The following SPATA22 variants were observed in gnomAD, a reference collection of about 807,000 sequenced individuals.
The protein encoded by SPATA22 is spermatogenesis associated 22.
In SPATA22, 29 loss-of-function variants were observed where a neutral mutation model predicts 47.8. The ratio of observed to expected loss-of-function variants is 0.61; its 90% CI spans 0.45 to 0.83. SPATA22 has a LOEUF of 0.83. Ranked by LOEUF, SPATA22 falls within the 40% of genes least tolerant of loss-of-function variation. The probability of loss-of-function intolerance (pLI) is 0.00; values close to 1 mark genes in which losing one functional copy is unlikely to be tolerated. For synonymous variants in SPATA22, 133 were observed against 140.9 expected (o/e 0.94, Z 0.40); for missense variants, 410 against 421.7 (o/e 0.97, Z 0.24).
chr17:3,493,333 C>T (rs1038052104), intron 1 of SPATA22, among the ~76,000 whole-genome samples: 47 of 152,146 alleles, frequency 3.1e-4, no homozygotes, highest in African/African-American at 9.6e-4. Context: ...GAGGCTGAGG[C>T]GGGCGGATCA....
chr17:3,440,720 T>C (rs1020785417), intron 8 of SPATA22: 5 of 157,062 alleles, frequency 3.2e-5, no homozygotes, highest in African/African-American at 1.2e-4. Flanking sequence ...GGATGAAATG[T>C]TTTGTTAAAA....
At chr17:3,506,769 G>A (rs1330596940) in intron 1 of SPATA22, among the ~76,000 whole-genome samples, 14 of 152,160 alleles carry the variant, frequency 9.2e-5, no homozygotes, top group Admixed American at 3.3e-4. Context: ...GTGAAACCCC[G>A]TCTCTACTAA....
intron 7 of SPATA22, among the ~76,000 whole-genome samples, chr17:3,445,509 G>A (rs759695839): frequency 6.6e-5 from 10 of 152,112 alleles, no homozygotes; most frequent in African/African-American, 1.9e-4. Flanking sequence ...GTGATACCCT[G>A]AGTATAGAAC....
chr17:3,496,468 C>T (rs1401866151), intron 1 of SPATA22, among the ~76,000 whole-genome samples: 1 of 152,130 alleles, frequency 6.6e-6, no homozygotes, highest in African/African-American at 2.4e-5. Flanking sequence ...GATGAGAAGC[C>T]AGCCATGTGG....
chr17:3,461,989 T>G (rs1049648419), intron 5 of SPATA22, among the ~76,000 whole-genome samples: 2 of 152,240 alleles, frequency 1.3e-5, no homozygotes, highest in African/African-American at 4.8e-5. Context: ...TTTGACCAGC[T>G]TCTTCATTTC....
chr17:3,489,244 T>C lies in SPATA22; in HGVS notation c.-73-19846A>G, dbSNP rs745553536. On this transcript the variant is annotated intron_variant, in intron 1 of 8. Transcript: ENST00000541913. ...CTCCTTCTGTACCTAGGTATAGAAG[T>C]TGGTCCTCAGCCTCAAGGGGTTCTG... 1.9e-6 allele frequency: 3 copies of C among 1,608,488 alleles called. No homozygotes were observed. In the East Asian group the frequency reaches 6.7e-5, roughly 36 times the overall value.
rs144485827 is a variant in SPATA22 at position 3,502,224 on chromosome 17, T to C, written c.-74+11188A>G. 11 of 152,380 alleles carry C rather than the reference T, an allele frequency of 7.2e-5. No homozygotes were observed. In the East Asian group the frequency reaches 1.9e-3, roughly 27 times the overall value. The allele number at this position is 152,380 out of a possible 1,614,324, so 9.4% of individuals were successfully genotyped here. A position where few individuals can be genotyped will look rare whatever the true frequency, so the allele number is the denominator to read the frequency against. On this transcript the variant is annotated intron_variant, in intron 1 of 8. Transcript: ENST00000541913. ...GGTTAGCTTTTTTAGCAATAAAGCA[T>C]TTTTAATGAAGGAATGTACATGTTT...
At chr17:3,468,592 A>G (rs1170594930) in intron 2 of SPATA22, among the ~76,000 whole-genome samples, 1 of 152,212 alleles carries the variant, frequency 6.6e-6, no homozygotes, top group Non-Finnish European at 1.5e-5. Context: ...CTTTGTGCCA[A>G]TATGACATAT....
At chr17:3,455,762 T>C (rs560490520) in intron 5 of SPATA22, among the ~76,000 whole-genome samples, 2 of 148,508 alleles carry the variant, frequency 1.3e-5, no homozygotes, top group South Asian at 2.2e-4. Context: ...TGGCTTAGGA[T>C]TGACTTGGCG....
At chr17:3,512,680 C>G (rs1279393698) in intron 1 of SPATA22, 2 of 152,224 alleles carry the variant, frequency 1.3e-5, no homozygotes, top group Non-Finnish European at 2.9e-5. Flanking sequence ...CACTTCACCT[C>G]TGCCCCCCAG....
intron 1 of SPATA22, chr17:3,481,616 G>C: frequency 6.2e-7 from 1 of 1,613,504 alleles, no homozygotes; most frequent in Non-Finnish European, 8.5e-7. Flanking sequence ...AAAAATGTCA[G>C]AAGATTTGCC....
chr17:3,445,453 G>A (rs1354465326), intron 7 of SPATA22, among the ~76,000 whole-genome samples: 2 of 152,126 alleles, frequency 1.3e-5, no homozygotes, highest in African/African-American at 2.4e-5. Context: ...AGCCAAAAAC[G>A]AAAACTGAAC....
chr17:3,449,618 T>C (rs1036590643), intron 5 of SPATA22, among the ~76,000 whole-genome samples: 4 of 152,200 alleles, frequency 2.6e-5, no homozygotes, highest in Non-Finnish European at 5.9e-5. Flanking sequence ...ACAAGGAGAA[T>C]ACATATAAGC....
chr17:3,493,560 C>CAAAA lies in SPATA22; in HGVS notation c.-74+19848_-74+19851dup, dbSNP rs746229421. Among the ~76,000 whole-genome samples, 159 of 56,296 alleles carry CAAAA rather than the reference C, an allele frequency of 2.8e-3. 1 individual carries two copies. The highest frequency in any genetic ancestry group is 3.8e-3 in the Non-Finnish European group (125 of 32,624). 36.9% of individuals were successfully genotyped at this position (56,296 alleles called of 152,430 possible). A position where few individuals can be genotyped will look rare whatever the true frequency, so the allele number is the denominator to read the frequency against. On this transcript the variant is annotated intron_variant, in intron 1 of 8. Transcript: ENST00000541913. ...TGGGTGAAAGAGCGAGGTTCCATCT[C>CAAAA]AAAAAAAAAAAAAAAAAAAAAAAGG...
intron 1 of SPATA22, among the ~76,000 whole-genome samples, chr17:3,507,996 C>T (rs942970902): frequency 2.0e-5 from 3 of 152,170 alleles, no homozygotes; most frequent in African/African-American, 4.8e-5. Context: ...ATGTGAATCA[C>T]GTACAATCCC....
At chr17:3,450,773 G>A (rs886913934) in intron 5 of SPATA22, among the ~76,000 whole-genome samples, 49 of 152,002 alleles carry the variant, frequency 3.2e-4, no homozygotes, top group African/African-American at 1.1e-3. Context: ...CACATTTGTA[G>A]TAATGCCAAA....
intron 4 of SPATA22, 26 bp downstream of exon 4, chr17:3,462,681 C>T (rs1227697224): frequency 6.3e-7 from 1 of 1,599,634 alleles, no homozygotes; most frequent in Non-Finnish European, 8.6e-7. Flanking sequence ...AGACACACAT[C>T]CAATGGTTTA....
intron 1 of SPATA22, chr17:3,512,740 A>C (rs2074130285): frequency 6.6e-6 from 1 of 152,000 alleles, no homozygotes; most frequent in African/African-American, 2.4e-5. Context: ...CGAGGACCTA[A>C]AAATAAGCTC....
chr17:3,483,427 T>C (rs1023281188), intron 1 of SPATA22: 12 of 1,304,536 alleles, frequency 9.2e-6, no homozygotes, highest in Non-Finnish European at 1.3e-5. Flanking sequence ...GAAGGTATTA[T>C]TGACTCTGTT....
Sources: gnomAD v4.1 joint callset for allele counts (sites outside exome capture counted in the v4.1 genomes callset) on GRCh38, gnomAD v4.1.1 for gene constraint, MANE v1.5 for transcripts, NCBI Gene and HGNC (gene_info 2026-07-23, HGNC 2026-07-21) for gene names.